MARCO: variants seen among roughly 807,000 people sequenced by gnomAD.
The protein encoded by MARCO is macrophage receptor with collagenous structure, also known as macrophage receptor MARCO.
MARCO carries 72 observed loss-of-function variants against 70.0 expected under a neutral mutation model. The ratio of observed to expected loss-of-function variants is 1.03; its 90% CI spans 0.85 to 1.25. The LOEUF (loss-of-function observed/expected upper bound fraction) is 1.25, where lower values mean the gene tolerates loss of function less well. Among genes scored for constraint, MARCO ranks in the 50% most tolerant of loss-of-function variants. The probability of loss-of-function intolerance (pLI) is 0.00; values close to 1 mark genes in which losing one functional copy is unlikely to be tolerated. For synonymous variants in MARCO, 273 were observed against 243.1 expected (o/e 1.12, Z -1.14); for missense variants, 696 against 659.3 (o/e 1.06, Z -0.61).
intron 1 of MARCO, among the ~76,000 whole-genome samples, chr2:118,964,441 G>C (rs1365881055): frequency 1.3e-5 from 2 of 152,082 alleles, no homozygotes; most frequent in African/African-American, 4.8e-5. Flanking sequence ...CTCTTCCTCT[G>C]AGAGTGTCTT....
chr2:118,942,237 T>G lies in MARCO; in HGVS notation c.-64T>G. 9.9e-7 allele frequency: 1 copy of G among 1,010,142 alleles called. No homozygotes were observed. Among genetic ancestry groups the G allele is most frequent in the African/African-American group, 1.6e-5 (1 of 62,470 alleles). The allele number at this position is 1,010,142 out of a possible 1,614,324, so 62.6% of individuals were successfully genotyped here. A position where few individuals can be genotyped will look rare whatever the true frequency, so the allele number is the denominator to read the frequency against. ...TCGATGGGAAGGATCTTTCTCCAAG[T>G]GGTTCCTCTTGAGGGGAGCATTTCT... On this transcript the variant is annotated 5_prime_UTR_variant, in exon 1 of 17. Coordinates refer to ENST00000327097, the MANE Select transcript of MARCO (RefSeq NM_006770.4).
intron 1 of MARCO, among the ~76,000 whole-genome samples, chr2:118,954,299 C>T (rs899808388): frequency 6.6e-6 from 1 of 152,110 alleles, no homozygotes; most frequent in African/African-American, 2.4e-5. Flanking sequence ...TGCCAGCTTT[C>T]CCCCACTTCC....
chr2:118,977,053 G>C (rs1207635886), intron 6 of MARCO, among the ~76,000 whole-genome samples: 1 of 152,166 alleles, frequency 6.6e-6, no homozygotes, highest in Admixed American at 6.6e-5. Context: ...TAGCTCTCTT[G>C]GTAACTAATC....
At chr2:118,961,154 G>A (rs1192753055) in intron 1 of MARCO, among the ~76,000 whole-genome samples, 1 of 152,106 alleles carries the variant, frequency 6.6e-6, no homozygotes, top group Admixed American at 6.5e-5. Context: ...GGACGTTTGG[G>A]TTGATTCCAT....
chr2:118,969,296 G>A (rs372419831), intron 2 of MARCO, 35 bp downstream of exon 2: 10 of 1,565,840 alleles, frequency 6.4e-6, no homozygotes, highest in Admixed American at 3.3e-5. Flanking sequence ...GTCCCTCCTG[G>A]GGGGAGAGGG....
At chr2:118,980,329 T>C (rs1234193767) in intron 8 of MARCO, among the ~76,000 whole-genome samples, 1 of 152,220 alleles carries the variant, frequency 6.6e-6, no homozygotes, top group Non-Finnish European at 1.5e-5. Context: ...TTGCTTTGTC[T>C]TCCTCAAGGA....
Position 118,993,282 on chromosome 2 carries a change from C to A in MARCO, c.1411C>A (p.Leu471Met). The A allele has an allele frequency of 6.2e-7, 1 of 1,614,136 alleles. No individual in the cohort carries two copies. The highest frequency in any genetic ancestry group is 8.5e-7 in the Non-Finnish European group (1 of 1,180,042). ...GCTGGGTTACTCCAAAGGAAGGGCC[C>A]TGTACAAAGTGGGAGCTGGTAAGTG... ...RMLGYSKGRA[L>M]YKVGAGTGQI... The change falls in exon 16 of 17, where the codon CTG becomes ATG. Residue 471 changes from leucine to methionine, a missense_variant. Coordinates refer to ENST00000327097, the MANE Select transcript of MARCO (RefSeq NM_006770.4).
At position 118,982,375 on chromosome 2, in the gene MARCO, G is replaced by T. The variant is rs1202758741; in HGVS notation, c.1028G>T (p.Gly343Val). The T allele has an allele frequency of 6.2e-7, 1 of 1,613,936 alleles. No homozygotes were observed. The highest frequency in any genetic ancestry group is 1.3e-5 in the African/African-American group (1 of 74,892). ...AGLPGSPGSP[G>V]ATGLKGSKGD... is the part of the protein sequence containing the mutation. Reference sequence around the variant, plus strand: ...CTTCCAGGGAGCCCCGGGAGTCCAGGAGCCACAGGCCTGAAAGGAAGCAAA... The same window carrying T: ...CTTCCAGGGAGCCCCGGGAGTCCAGTAGCCACAGGCCTGAAAGGAAGCAAA... Residue 343 changes from glycine to valine, a missense_variant, in exon 12 of 17, where the codon GGA becomes GTA. This residue lies in a region of MARCO where 605 missense variants were observed against 537.6 expected (regional missense o/e 1.13). Coordinates refer to ENST00000327097, the MANE Select transcript of MARCO (RefSeq NM_006770.4).
chr2:118,978,305 C>A (rs1005351864), intron 8 of MARCO, among the ~76,000 whole-genome samples: 1 of 152,144 alleles, frequency 6.6e-6, no homozygotes, highest in Non-Finnish European at 1.5e-5. Context: ...CAGCCAGAAT[C>A]CCCCATTGAC....
rs1413632915 is a variant in MARCO, at chr2:118,970,325, CACTCAGA to C, written c.414_420del (p.Asn140GlyfsTer122). The C allele has an allele frequency of 1.7e-5, 28 of 1,612,590 alleles. No individual in the cohort carries two copies. The highest frequency in any genetic ancestry group is 1.7e-4 in the Middle Eastern group (1 of 6,058). On this transcript the variant is annotated frameshift_variant, in exon 3 of 17. Coordinates refer to ENST00000327097, the MANE Select transcript of MARCO (RefSeq NM_006770.4). LOFTEE classifies it high-confidence loss of function. ...ACTTGCTGCAGCGGGTAGACAACTT[CACTCAGA>C]ACCCAGGTTTGGCCTCCTCCCCTCT...
chr2:118,957,784 C>G (rs986344056), intron 1 of MARCO, among the ~76,000 whole-genome samples: 2 of 151,616 alleles, frequency 1.3e-5, no homozygotes, highest in Non-Finnish European at 3.0e-5. Flanking sequence ...TGGTGGATAT[C>G]ATAAAGATAA....
intron 8 of MARCO, 146 bp downstream of exon 8, chr2:118,978,081 C>G: frequency 8.8e-6 from 5 of 568,026 alleles, no homozygotes; most frequent in Non-Finnish European, 1.6e-5. Flanking sequence ...CACACATAGT[C>G]TCTTCTTTCC....
intron 10 of MARCO, 68 bp from the exon 11 acceptor site, chr2:118,982,088 A>G: frequency 9.0e-7 from 1 of 1,105,114 alleles, no homozygotes; most frequent in Non-Finnish European, 1.3e-6. Flanking sequence ...AAACAGAAGC[A>G]CTGGGGGTTG....
chr2:118,990,532 G>A, intron 12 of MARCO, 57 bp from the exon 13 acceptor site: 1 of 1,549,698 alleles, frequency 6.5e-7, no homozygotes, highest in Non-Finnish European at 8.9e-7. Context: ...GATTAAAAAT[G>A]TCTAATACCT....
chr2:118,986,558 A>AAGGAAGGG (rs1369830968), intron 12 of MARCO, among the ~76,000 whole-genome samples: 1 of 120,754 alleles, frequency 8.3e-6, no homozygotes, highest in African/African-American at 3.7e-5. Context: ...GGAAGGAAGG[A>AAGGAAGGG]AGGGAGGGAG....
At chr2:118,962,743 A>C (rs1471070905) in intron 1 of MARCO, among the ~76,000 whole-genome samples, 1 of 151,990 alleles carries the variant, frequency 6.6e-6, no homozygotes, top group Non-Finnish European at 1.5e-5. Flanking sequence ...GGGCCTGAAT[A>C]TTTCTTTTCT....
chr2:118,975,192 C>T (rs1680257121), intron 6 of MARCO, among the ~76,000 whole-genome samples: 1 of 152,182 alleles, frequency 6.6e-6, no homozygotes, highest in Non-Finnish European at 1.5e-5. Flanking sequence ...CCAGAGCTGT[C>T]CCTCCCCAGG....
intron 8 of MARCO, among the ~76,000 whole-genome samples, chr2:118,978,582 C>G (rs989635532): frequency 6.6e-6 from 1 of 152,178 alleles, no homozygotes; most frequent in Non-Finnish European, 1.5e-5. Flanking sequence ...GTGAGGATTG[C>G]GGGGCCAGGC....
intron 1 of MARCO, among the ~76,000 whole-genome samples, chr2:118,958,943 A>G (rs2104561594): frequency 6.6e-6 from 1 of 152,252 alleles, no homozygotes; most frequent in Admixed American, 6.5e-5. Flanking sequence ...CATATAGGAG[A>G]ATGAAACTTG....
Sources: gnomAD v4.1 joint callset for allele counts (sites outside exome capture counted in the v4.1 genomes callset) on GRCh38, gnomAD v4.1.1 for gene constraint, gnomAD v4.1.1 regional missense constraint, MANE v1.5 for transcripts, NCBI Gene and HGNC (gene_info 2026-07-23, HGNC 2026-07-21) for gene names.